Variants in SDK1 observed in about 807,000 individuals in gnomAD.
SDK1 encodes protein sidekick-1.
Under a neutral mutation model 245.5 loss-of-function variants are expected in SDK1, and 157 were observed. The observed-to-expected ratio is 0.64, with a 90% confidence interval of 0.56 to 0.73. The LOEUF is 0.73. Ranked by LOEUF, SDK1 falls within the 30% of genes least tolerant of loss-of-function variation. The pLI is 0.00. For synonymous variants in SDK1, 1,647 were observed against 1,278.5 expected (o/e 1.29, Z -6.15); for missense variants, 3,583 against 3,002.3 (o/e 1.19, Z -4.52).
intron 25 of SDK1, among the ~76,000 whole-genome samples, chr7:4,121,512 C>G (rs1784064963): frequency 6.6e-6 from 1 of 152,204 alleles, no homozygotes; most frequent in South Asian, 2.1e-4. Flanking sequence ...TTCCCCTTCA[C>G]CTTCCATCAC....
At chr7:3,696,066 C>A (rs999759199) in intron 4 of SDK1, among the ~76,000 whole-genome samples, 4 of 152,110 alleles carry the variant, frequency 2.6e-5, no homozygotes, top group Admixed American at 1.3e-4. Flanking sequence ...TCCCACTTGT[C>A]CCTTGTTCTT....
chr7:3,474,246 C>T (rs1781277970), intron 1 of SDK1, among the ~76,000 whole-genome samples: 1 of 151,322 alleles, frequency 6.6e-6, no homozygotes, highest in Non-Finnish European at 1.5e-5. Context: ...GTGGCGTGCG[C>T]CACCACGACC....
chr7:3,416,026 A>C (rs1274206738), intron 1 of SDK1, among the ~76,000 whole-genome samples: 2 of 152,180 alleles, frequency 1.3e-5, no homozygotes, highest in African/African-American at 4.8e-5. Flanking sequence ...CATGCTAATA[A>C]AGCAGATGGT....
intron 4 of SDK1, among the ~76,000 whole-genome samples, chr7:3,784,738 G>A (rs1780848369): frequency 6.6e-6 from 1 of 152,208 alleles, no homozygotes; most frequent in Non-Finnish European, 1.5e-5. Context: ...GTGAAGGAAA[G>A]GGAACCCTGT....
At chr7:4,209,416 G>C (rs1015681006) in intron 37 of SDK1, among the ~76,000 whole-genome samples, 2 of 152,178 alleles carry the variant, frequency 1.3e-5, no homozygotes, top group African/African-American at 4.8e-5. Flanking sequence ...CACGGCGCCC[G>C]GGCAGAGGGG....
At chr7:4,167,881 A>C (rs1347058025) in intron 32 of SDK1, among the ~76,000 whole-genome samples, 1 of 152,188 alleles carries the variant, frequency 6.6e-6, no homozygotes, top group Non-Finnish European at 1.5e-5. Context: ...CAGTCAGCCC[A>C]AGCTTGTACT....
At chr7:4,164,585 T>G in intron 32 of SDK1, among the ~76,000 whole-genome samples, 1 of 152,232 alleles carries the variant, frequency 6.6e-6, no homozygotes, top group East Asian at 1.9e-4. Flanking sequence ...ACATTTTCTT[T>G]GTAGACGTGG....
At chr7:3,714,164 C>G (rs750590754) in intron 4 of SDK1, among the ~76,000 whole-genome samples, 14 of 152,076 alleles carry the variant, frequency 9.2e-5, no homozygotes, top group East Asian at 5.8e-4. Context: ...TCCAGGGCAA[C>G]AGAAAGAGCT....
At chr7:3,484,544 G>A (rs1476033313) in intron 1 of SDK1, among the ~76,000 whole-genome samples, 1 of 152,122 alleles carries the variant, frequency 6.6e-6, no homozygotes, top group Non-Finnish European at 1.5e-5. Context: ...AGTTGTTCAA[G>A]GATTAACTGT....
intron 1 of SDK1, among the ~76,000 whole-genome samples, chr7:3,504,646 T>C (rs972557224): frequency 3.9e-5 from 6 of 152,142 alleles, no homozygotes; most frequent in Admixed American, 1.3e-4. Context: ...TCACAGCATA[T>C]GCAGAAATTA....
intron 4 of SDK1, among the ~76,000 whole-genome samples, chr7:3,719,998 A>G (rs2115028064): frequency 6.6e-6 from 1 of 152,226 alleles, no homozygotes; most frequent in Non-Finnish European, 1.5e-5. Context: ...AAAGAAAGAA[A>G]AGGAAAACTC....
At position 3,549,016 on chromosome 7, in the gene SDK1, C is replaced by G. The variant is rs190859978; in HGVS notation, c.299-70064C>G. 1.4e-3 allele frequency among the ~76,000 whole-genome samples: 217 copies of G among 152,326 alleles called. 1 individual carries two copies. Among genetic ancestry groups the G allele is most frequent in the Admixed American group, 0.013 (202 of 15,308 alleles). On this transcript the variant is annotated intron_variant, in intron 1 of 44. Transcript: ENST00000404826. ...GGCTGTGCTGGAGGTGAGGCGCCCC[C>G]CTTCCTCCTGCAGCCAGAGAGCTGC...
intron 4 of SDK1, among the ~76,000 whole-genome samples, chr7:3,663,042 A>G (rs776498389): frequency 9.8e-5 from 15 of 152,338 alleles, no homozygotes; most frequent in Middle Eastern, 3.4e-3. Flanking sequence ...GTATGTATCA[A>G]TCAGATAGTA....
intron 1 of SDK1, among the ~76,000 whole-genome samples, chr7:3,379,464 G>T (rs1781432755): frequency 6.6e-6 from 1 of 152,138 alleles, no homozygotes; most frequent in Non-Finnish European, 1.5e-5. Context: ...CGGGAATGGG[G>T]ATAAGAGTGT....
chr7:3,650,071 A>G lies in SDK1; in HGVS notation c.713+7966A>G, dbSNP rs114193825. Among the ~76,000 whole-genome samples, 393 of 151,518 alleles carry G rather than the reference A, an allele frequency of 2.6e-3. 3 individuals carry two copies. The highest frequency in any genetic ancestry group is 9.1e-3 in the African/African-American group (376 of 41,310). Reference sequence around the variant, plus strand: ...AAAACATAGTTTAAAAAAAATAGAGATAGGGTCTCACTTTATCATCCAGGC... The same window carrying G: ...AAAACATAGTTTAAAAAAAATAGAGGTAGGGTCTCACTTTATCATCCAGGC... On this transcript the variant is annotated intron_variant, in intron 4 of 44. Transcript: ENST00000404826.
chr7:4,059,961 G>A (rs1011769789), intron 19 of SDK1, among the ~76,000 whole-genome samples: 3 of 150,698 alleles, frequency 2.0e-5, no homozygotes, highest in Non-Finnish European at 4.4e-5. Flanking sequence ...CTCACTGCAA[G>A]CTCCGCCTCC....
chr7:3,821,723 A>C, intron 5 of SDK1, 140 bp downstream of exon 5: 1 of 772,446 alleles, frequency 1.3e-6, no homozygotes, highest in Non-Finnish European at 1.9e-6. Context: ...ATCCAGTGCC[A>C]ATAGTTCGGA....
At chr7:3,438,676 A>C (rs577253886) in intron 1 of SDK1, among the ~76,000 whole-genome samples, 2 of 151,948 alleles carry the variant, frequency 1.3e-5, no homozygotes, top group Non-Finnish European at 2.9e-5. Flanking sequence ...TCTCATCTCT[A>C]TTGCCAACCC....
At chr7:3,805,245 T>TTA (rs1562456054) in intron 4 of SDK1, among the ~76,000 whole-genome samples, 10 of 152,196 alleles carry the variant, frequency 6.6e-5, no homozygotes, top group Middle Eastern at 6.8e-3. Context: ...GCTGAACTTA[T>TTA]TTATTACTTC....
Sources: gnomAD v4.1 joint callset for allele counts (sites outside exome capture counted in the v4.1 genomes callset) on GRCh38, gnomAD v4.1.1 for gene constraint, MANE v1.5 for transcripts, NCBI Gene and HGNC (gene_info 2026-07-23, HGNC 2026-07-21) for gene names.